The following PLCE1 variants were observed in gnomAD, a reference collection of about 807,000 sequenced individuals.
The protein encoded by PLCE1 is phospholipase C epsilon 1.
A neutral mutation model predicts 242.8 loss-of-function variants in PLCE1; 119 were observed. That is an observed-to-expected ratio of 0.49 (90% CI 0.42 to 0.57). PLCE1 has a LOEUF of 0.57. Ranked by LOEUF, PLCE1 falls within the 20% of genes least tolerant of loss-of-function variation. The probability of loss-of-function intolerance (pLI) is 0.00; values close to 1 mark genes in which losing one functional copy is unlikely to be tolerated. For synonymous variants in PLCE1, 945 were observed against 1,017.4 expected, an observed-to-expected ratio of 0.93 and a Z score of 1.35; for missense variants, 2,441 against 2,788.8, an observed-to-expected ratio of 0.88 and a Z score of 2.81.
intron 4 of PLCE1, among the ~76,000 whole-genome samples, chr10:94,215,793 C>T (rs1465831388): frequency 6.6e-6 from 1 of 152,140 alleles, no homozygotes. Context: ...CATGGTAGCA[C>T]ACACCTGTAG....
chr10:94,069,919 G>A (rs571446903), intron 2 of PLCE1, among the ~76,000 whole-genome samples: 90 of 152,252 alleles, frequency 5.9e-4, no homozygotes, highest in African/African-American at 2.0e-3. Flanking sequence ...CTCCAGTTCC[G>A]TTATTGGAAA....
chr10:94,006,354 T>A (rs888093016), intron 1 of PLCE1, among the ~76,000 whole-genome samples: 1 of 152,252 alleles, frequency 6.6e-6, no homozygotes, highest in Non-Finnish European at 1.5e-5. Context: ...TTAAGAGACA[T>A]GTGCTTTACC....
chr10:94,071,509 T>TTTTGTTTTTTTG (rs1182848145), intron 2 of PLCE1, among the ~76,000 whole-genome samples: 1 of 138,682 alleles, frequency 7.2e-6, no homozygotes, highest in African/African-American at 2.8e-5. Context: ...TTTTTTTTTT[T>TTTTGTTTTTTTG]TTTTTTTGAG....
intron 3 of PLCE1, among the ~76,000 whole-genome samples, chr10:94,161,584 A>G (rs568599623): frequency 6.6e-6 from 1 of 152,320 alleles, no homozygotes; most frequent in South Asian, 2.1e-4. Flanking sequence ...CTAGATACAC[A>G]ATCATGTCAT....
chr10:94,146,649 A>T (rs1355276364), intron 3 of PLCE1, among the ~76,000 whole-genome samples: 1 of 152,172 alleles, frequency 6.6e-6, no homozygotes, highest in Non-Finnish European at 1.5e-5. Context: ...ATTGGAACTC[A>T]CTGGACGCCT....
chr10:94,268,828 A>T (rs1024479632), intron 16 of PLCE1, 101 bp from the exon 17 acceptor site: 2 of 740,614 alleles, frequency 2.7e-6, no homozygotes, highest in Non-Finnish European at 4.9e-6. Context: ...TTTAGTCCTG[A>T]GTGTAAACAC....
Position 94,202,704 on chromosome 10 carries a change from G to A in PLCE1, c.1810-24602G>A, listed in dbSNP as rs575302457. On this transcript the variant is annotated intron_variant, in intron 4 of 32. Coordinates refer to ENST00000371380, the MANE Select transcript of PLCE1 (RefSeq NM_016341.4). ...CCTTGGCTACAAGGTGTGTCCGTGC[G>A]GCAGAGGTAGACAATGACCAAATAC... is the stretch of plus-strand genomic sequence containing the variant. Among the ~76,000 whole-genome samples the A allele has an allele frequency of 4.6e-5, 7 of 152,258 alleles. No homozygotes were observed. The South Asian group carries it at 8.3e-4, about 18-fold the overall frequency.
intron 2 of PLCE1, among the ~76,000 whole-genome samples, chr10:94,127,985 G>A (rs939545572): frequency 6.0e-4 from 81 of 135,038 alleles, no homozygotes; most frequent in African/African-American, 2.0e-3. Context: ...ATAATACCTT[G>A]ACTTTTTTTT....
At chr10:94,163,355 A>T (rs572223479) in intron 3 of PLCE1, among the ~76,000 whole-genome samples, 1 of 152,316 alleles carries the variant, frequency 6.6e-6, no homozygotes, top group African/African-American at 2.4e-5. Context: ...TTGGGTGCAC[A>T]TGTATTTAGG....
At chr10:94,141,481 A>C (rs894337234) in intron 3 of PLCE1, among the ~76,000 whole-genome samples, 1 of 150,568 alleles carries the variant, frequency 6.6e-6, no homozygotes, top group African/African-American at 2.4e-5. Flanking sequence ...GAGGAGAAGG[A>C]GAAGGGAAGG....
chr10:94,218,801 T>TC (rs1420836210), intron 4 of PLCE1, among the ~76,000 whole-genome samples: 13 of 151,318 alleles, frequency 8.6e-5, no homozygotes, highest in Admixed American at 7.9e-4. Context: ...AAGAACCAGA[T>TC]TTCTAAAGAT....
intron 2 of PLCE1, among the ~76,000 whole-genome samples, chr10:94,051,170 G>T (rs1042344146): frequency 2.0e-5 from 3 of 151,258 alleles, no homozygotes; most frequent in Admixed American, 6.6e-5. Context: ...TCTTACCAAT[G>T]GGACAAGATA....
chr10:94,321,181 A>C (rs528513481), intron 29 of PLCE1, among the ~76,000 whole-genome samples: 1 of 152,306 alleles, frequency 6.6e-6, no homozygotes, highest in East Asian at 1.9e-4. Flanking sequence ...CATGGTTTAT[A>C]TTTCAGATGT....
chr10:94,098,986 A>C (rs2045417005), intron 2 of PLCE1, among the ~76,000 whole-genome samples: 1 of 152,220 alleles, frequency 6.6e-6, no homozygotes, highest in Non-Finnish European at 1.5e-5. Context: ...GCCATCTGGG[A>C]AATGCAGGCA....
At chr10:94,086,098 G>A (rs988996884) in intron 2 of PLCE1, among the ~76,000 whole-genome samples, 5 of 152,140 alleles carry the variant, frequency 3.3e-5, no homozygotes, top group Non-Finnish European at 7.3e-5. Flanking sequence ...GAGCAGGCAG[G>A]CATGTGATTA....
intron 4 of PLCE1, 149 bp from the exon 5 acceptor site, chr10:94,227,157 G>T: frequency 1.4e-6 from 1 of 721,910 alleles, no homozygotes; most frequent in South Asian, 1.5e-5. Context: ...GATTACAGGC[G>T]TGAACCACCA....
intron 4 of PLCE1, among the ~76,000 whole-genome samples, chr10:94,215,724 CAT>C (rs1484796388): frequency 6.6e-6 from 1 of 152,100 alleles, no homozygotes; most frequent in Non-Finnish European, 1.5e-5. Flanking sequence ...TGAAGGAAAA[CAT>C]ATATGGAGAG....
At chr10:94,063,370 A>T (rs1461882907) in intron 2 of PLCE1, among the ~76,000 whole-genome samples, 2 of 152,138 alleles carry the variant, frequency 1.3e-5, no homozygotes, top group Non-Finnish European at 2.9e-5. Flanking sequence ...TGTTCATGTC[A>T]TCTTCCAAGG....
intron 4 of PLCE1, among the ~76,000 whole-genome samples, chr10:94,195,565 G>C (rs1243740750): frequency 6.6e-6 from 1 of 152,116 alleles, no homozygotes; most frequent in Non-Finnish European, 1.5e-5. Context: ...TTCACTTGGT[G>C]ATTTCCTTTC....
Sources: allele counts gnomAD v4.1 joint callset (sites outside exome capture counted in the v4.1 genomes callset), GRCh38; gene constraint gnomAD v4.1.1; transcripts MANE v1.5; gene names NCBI Gene and HGNC (gene_info 2026-07-23, HGNC 2026-07-21).